The following PCSK1 variants were observed in gnomAD, a reference collection of about 807,000 sequenced individuals.
The protein encoded by PCSK1 is neuroendocrine convertase 1.
A neutral mutation model predicts 90.6 loss-of-function variants in PCSK1; 56 were observed. The observed-to-expected ratio is 0.62, with a 90% CI of 0.50 to 0.77. The LOEUF is 0.77. PCSK1 is among the 30% of genes least tolerant of loss of function. The probability of loss-of-function intolerance (pLI) is 0.00; values close to 1 mark genes in which losing one functional copy is unlikely to be tolerated. For missense variants in PCSK1, 801 were observed against 932.6 expected (o/e 0.86, Z 1.84); for synonymous variants, 348 against 342.4 (o/e 1.02, Z -0.18).
chr5:96,391,269 A>G lies in PCSK1; in HGVS notation c.*1732T>C, dbSNP rs1303075750. ...CAGGTGAAAATTTGTGTTACCAACCATACTTCAAGCCAAAGCAAATGACAG... is the reference window on the plus strand; with the variant it reads ...CAGGTGAAAATTTGTGTTACCAACCGTACTTCAAGCCAAAGCAAATGACAG... On this transcript the variant is annotated 3_prime_UTR_variant, in exon 14 of 14. Coordinates refer to ENST00000311106, the MANE Select transcript of PCSK1 (RefSeq NM_000439.5). 1 of 152,238 alleles carries G rather than the reference A, an allele frequency of 6.6e-6. No individual in the cohort carries two copies. Among genetic ancestry groups the G allele is most frequent in the Non-Finnish European group, 1.5e-5 (1 of 68,046 alleles). The allele number at this position is 152,238 out of a possible 1,614,324, so 9.4% of individuals were successfully genotyped here.
intron 12 of PCSK1, 31 bp from the exon 13 acceptor site, chr5:96,395,056 GT>G: frequency 6.5e-7 from 1 of 1,528,130 alleles, no homozygotes; most frequent in Non-Finnish European, 9.1e-7. Context: ...CATTTAGTAT[GT>G]GTTTTAGATA....
chr5:96,410,072 G>T (rs563431245), intron 8 of PCSK1, among the ~76,000 whole-genome samples: 2 of 152,078 alleles, frequency 1.3e-5, no homozygotes, highest in Non-Finnish European at 2.9e-5. Flanking sequence ...TAAATTGGGG[G>T]CCTTACATTT....
chr5:96,411,429 T>C (rs942130564), intron 7 of PCSK1, among the ~76,000 whole-genome samples: 1 of 152,388 alleles, frequency 6.6e-6, no homozygotes, highest in African/African-American at 2.4e-5. Context: ...GACTCTTCAA[T>C]TGAATGGAAC....
At chr5:96,408,005 G>A (rs984560067) in intron 9 of PCSK1, among the ~76,000 whole-genome samples, 2 of 152,174 alleles carry the variant, frequency 1.3e-5, no homozygotes, top group Non-Finnish European at 1.5e-5. Context: ...ACAAAATAAC[G>A]TCTATATTAA....
At position 96,393,210 on chromosome 5, in the gene PCSK1, GT is replaced by G; in HGVS notation, c.2052del (p.Pro685GlnfsTer23). The G allele has an allele frequency of 6.2e-7, 1 of 1,614,104 alleles. No homozygotes were observed. Among genetic ancestry groups the G allele is most frequent in the African/African-American group, 1.3e-5 (1 of 75,042 alleles). On this transcript the variant is annotated frameshift_variant, in exon 14 of 14. Coordinates refer to ENST00000311106, the MANE Select transcript of PCSK1 (RefSeq NM_000439.5). LOFTEE classifies it high-confidence loss of function. Reference protein sequence around the residue: ...AFSKNSPPKQSPKKSPSAKLN... With the variant: ...AFSKNSPPKQXPKKSPSAKLN... ...AGCTTTGCACTTGGGGACTTCTTTG[GT>G]GATTGCTTTGGCGGTGAGTTTTTAC...
At chr5:96,430,597 C>T (rs189503482) in intron 1 of PCSK1, among the ~76,000 whole-genome samples, 2 of 152,138 alleles carry the variant, frequency 1.3e-5, no homozygotes, top group Admixed American at 6.5e-5. Context: ...CAATAAGGTA[C>T]CCAATATAGT....
Position 96,423,332 on chromosome 5 carries a change from G to A in PCSK1, c.524C>T (p.Thr175Met), listed in dbSNP as rs140520429. The A allele has an allele frequency of 7.8e-5, 126 of 1,611,412 alleles. No individual in the cohort carries two copies. The highest frequency in any genetic ancestry group is 5.0e-4 in the Admixed American group (30 of 59,736). ...ACTTACATAGTTGGCATAAATGTCC[G>A]TGTGATTCCACTCCAAACCATCATC... is the stretch of plus-strand genomic sequence containing the variant. The part of the protein sequence containing the change: ...VLDDGLEWNH[T>M]DIYANYDPEA... Residue 175 changes from threonine to methionine, a missense_variant, in exon 4 of 14, where the codon ACG becomes ATG. Physicochemically the swap from Thr to Met is moderately conservative, Grantham distance 81. Coordinates refer to ENST00000311106, the MANE Select transcript of PCSK1 (RefSeq NM_000439.5).
Position 96,409,948 on chromosome 5 carries a change from A to G in PCSK1, c.1095+826T>C, listed in dbSNP as rs771342461. Among the ~76,000 whole-genome samples, 20 of 152,198 alleles carry G rather than the reference A, an allele frequency of 1.3e-4. No homozygotes were observed. The South Asian group carries it at 1.7e-3, about 13-fold the overall frequency. On this transcript the variant is annotated intron_variant, in intron 8 of 13. Transcript: ENST00000311106. ...TGCCATTAATAGGAATCTTGCACGC[A>G]TTCCAAGGTCATTATTATAGGGTTC...
At chr5:96,415,569 T>C (rs1760913991) in intron 6 of PCSK1, among the ~76,000 whole-genome samples, 1 of 152,228 alleles carries the variant, frequency 6.6e-6, no homozygotes, top group South Asian at 2.1e-4. Flanking sequence ...TCCTACATCC[T>C]TGCTATAAAA....
chr5:96,425,599 A>G (rs1761281319), intron 3 of PCSK1, among the ~76,000 whole-genome samples: 1 of 152,070 alleles, frequency 6.6e-6, no homozygotes, highest in African/African-American at 2.4e-5. Flanking sequence ...AATACAACCT[A>G]TTTTTTTCAC....
intron 1 of PCSK1, among the ~76,000 whole-genome samples, chr5:96,431,862 A>G (rs1363031704): frequency 6.6e-6 from 1 of 152,112 alleles, no homozygotes; most frequent in African/African-American, 2.4e-5. Context: ...AATGCAGACC[A>G]ACTTCCCAAG....
chr5:96,401,065 C>A (rs1304422025), intron 9 of PCSK1, among the ~76,000 whole-genome samples: 3 of 103,556 alleles, frequency 2.9e-5, no homozygotes, highest in Non-Finnish European at 5.2e-5. Context: ...CCGGCCTGGG[C>A]TAAAGAGCGG....
chr5:96,411,063 C>T (rs566898600), intron 7 of PCSK1, 77 bp from the exon 8 acceptor site: 38 of 1,012,270 alleles, frequency 3.8e-5, no homozygotes, highest in Non-Finnish European at 4.9e-5. Flanking sequence ...AAATCCCCAA[C>T]GACTACATGT....
At chr5:96,402,046 G>T (rs565365763) in intron 9 of PCSK1, among the ~76,000 whole-genome samples, 11 of 152,256 alleles carry the variant, frequency 7.2e-5, no homozygotes, top group African/African-American at 1.7e-4. Flanking sequence ...ACTCCTCAAG[G>T]TTCCTGTCTC....
At chr5:96,395,779 T>G (rs934237571) in intron 12 of PCSK1, among the ~76,000 whole-genome samples, 5 of 152,066 alleles carry the variant, frequency 3.3e-5, no homozygotes, top group African/African-American at 1.2e-4. Flanking sequence ...ACTCCAGAAC[T>G]TAAAGTATAA....
In PCSK1 at chr5:96,391,704, G is replaced by C. The variant is rs537248069; in HGVS notation, c.*1297C>G. ...TGGAGCAGGGTGCCATGGGGACTGA[G>C]AGTCATCTAATCAGGCAGCTGCTAC... On this transcript the variant is annotated 3_prime_UTR_variant, in exon 14 of 14. Coordinates refer to ENST00000311106, the MANE Select transcript of PCSK1 (RefSeq NM_000439.5). The C allele has an allele frequency of 1.1e-4, 17 of 152,358 alleles. No homozygotes were observed. The highest frequency in any genetic ancestry group is 3.8e-4 in the African/African-American group (16 of 41,588). The allele number at this position is 152,358 out of a possible 1,614,324, so 9.4% of individuals were successfully genotyped here. A position where few individuals can be genotyped will look rare whatever the true frequency, so the allele number is the denominator to read the frequency against.
In PCSK1 at chr5:96,406,326, A is replaced by T. The variant is rs570348318; in HGVS notation, c.1196+1897T>A. On this transcript the variant is annotated intron_variant, in intron 9 of 13. Transcript: ENST00000311106. ...TTTCTCGGTTAATTTGGATCTGCTG[A>T]TGCCAGTCTCAGCTTGTGTTCATAG... 2.0e-5 allele frequency among the ~76,000 whole-genome samples: 3 copies of T among 152,322 alleles called. No individual in the cohort carries two copies. In the South Asian group the frequency reaches 6.2e-4, roughly 32 times the overall value.
chr5:96,394,924 C>T lies in PCSK1; in HGVS notation c.1824G>A (p.Thr608=), dbSNP rs753294559. ...TGTCATTCTGAACAGTGTTGTAGGA[C>T]GTGTACACACGAGGCTGCTTCATAT... ...PEHMKQPRVY[T]SYNTVQNDRR... Residue 608 remains threonine (T), a synonymous_variant, in exon 13 of 14, where the codon ACG becomes ACA. Coordinates refer to ENST00000311106, the MANE Select transcript of PCSK1 (RefSeq NM_000439.5). 44 of 1,614,004 alleles carry T rather than the reference C, an allele frequency of 2.7e-5. No individual in the cohort carries two copies. Among genetic ancestry groups the T allele is most frequent in the Middle Eastern group, 1.6e-4 (1 of 6,084 alleles).
In PCSK1 at chr5:96,398,871, T is replaced by C. The variant is rs748197920; in HGVS notation, c.1588+8A>G. 1 of 1,610,966 alleles carries C rather than the reference T, an allele frequency of 6.2e-7. No individual in the cohort carries two copies. The highest frequency in any genetic ancestry group is 1.7e-5 in the Admixed American group (1 of 60,028). The stretch of plus-strand genomic sequence containing the variant: ...AAATATAAATGGCTTAGAACTTTTT[T>C]AATTTACCAGCAGCAGAAGTAAGTG... On this transcript the variant is annotated splice_region_variant and intron_variant, in intron 11 of 13. Coordinates refer to ENST00000311106, the MANE Select transcript of PCSK1 (RefSeq NM_000439.5).
Sources: allele counts gnomAD v4.1 joint callset (sites outside exome capture counted in the v4.1 genomes callset), GRCh38; gene constraint gnomAD v4.1.1; transcripts MANE v1.5; gene names NCBI Gene and HGNC (gene_info 2026-07-23, HGNC 2026-07-21).